EML4: variants seen among roughly 807,000 people sequenced by gnomAD.
The protein encoded by EML4 is echinoderm microtubule-associated protein-like 4.
EML4 carries 72 observed loss-of-function variants against 129.0 expected under a neutral mutation model. The ratio of observed to expected loss-of-function variants is 0.56; its 90% CI spans 0.46 to 0.68. The LOEUF (loss-of-function observed/expected upper bound fraction) is 0.68. Among genes scored for constraint, EML4 ranks in the 30% least tolerant of loss-of-function variants. The pLI is 0.00. For missense variants in EML4, 1,363 were observed against 1,190.6 expected, an observed-to-expected ratio of 1.14 and a Z score of -2.13; for synonymous variants, 532 against 405.0, an observed-to-expected ratio of 1.31 and a Z score of -3.77.
chr2:42,259,384 G>T (rs1433455008), intron 3 of EML4, among the ~76,000 whole-genome samples: 1 of 152,078 alleles, frequency 6.6e-6, no homozygotes, highest in Non-Finnish European at 1.5e-5. Flanking sequence ...GTATAAGTAT[G>T]CTTATCCAGT....
chr2:42,250,260 A>G (rs564655404), intron 2 of EML4, among the ~76,000 whole-genome samples: 1 of 152,346 alleles, frequency 6.6e-6, no homozygotes, highest in South Asian at 2.1e-4. Flanking sequence ...AAATTGAAAT[A>G]TAGGGGTCAG....
intron 2 of EML4, among the ~76,000 whole-genome samples, chr2:42,255,363 G>T (rs1161935906): frequency 3.9e-5 from 6 of 152,120 alleles, no homozygotes; most frequent in Non-Finnish European, 5.9e-5. Flanking sequence ...GGGATTACAG[G>T]CTGAGCCACC....
intron 17 of EML4, among the ~76,000 whole-genome samples, chr2:42,308,022 A>T (rs1449514218): frequency 6.6e-6 from 1 of 152,140 alleles, no homozygotes. Context: ...AGTGACTAGT[A>T]AAAAAAAGTA....
chr2:42,228,908 CAT>C lies in EML4; in HGVS notation c.26-16592_26-16591del, dbSNP rs548218323. ...TTAAAAATGATTATCAAATAAATAA[CAT>C]ATATCTTTGTGTTGTTTTCACTGTC... On this transcript the variant is annotated intron_variant, in intron 1 of 22. Transcript: ENST00000318522. 1.1e-4 allele frequency among the ~76,000 whole-genome samples: 16 copies of C among 152,214 alleles called. No individual in the cohort carries two copies. In the South Asian group the frequency reaches 1.7e-3, roughly 16 times the overall value.
At chr2:42,309,425 C>G (rs1294017083) in intron 17 of EML4, among the ~76,000 whole-genome samples, 1 of 138,170 alleles carries the variant, frequency 7.2e-6, no homozygotes, top group South Asian at 2.3e-4. Flanking sequence ...ACCAAAACAA[C>G]CACCACAAAA....
intron 9 of EML4, among the ~76,000 whole-genome samples, chr2:42,284,974 C>A (rs900219918): frequency 6.6e-6 from 1 of 152,118 alleles, no homozygotes; most frequent in African/African-American, 2.4e-5. Flanking sequence ...GTTACATTTT[C>A]TTTATATAAA....
chr2:42,247,026 G>T (rs528374496), intron 2 of EML4, among the ~76,000 whole-genome samples: 1 of 152,280 alleles, frequency 6.6e-6, no homozygotes, highest in East Asian at 1.9e-4. Context: ...AGTGGAAGAC[G>T]GTGGTAATAG....
At chr2:42,324,344 A>G (rs974997992) in intron 19 of EML4, among the ~76,000 whole-genome samples, 44 of 152,130 alleles carry the variant, frequency 2.9e-4, no homozygotes, top group Non-Finnish European at 4.4e-5. Flanking sequence ...GACCGGATAC[A>G]GTGGCTCATG....
intron 1 of EML4, among the ~76,000 whole-genome samples, chr2:42,227,689 C>G (rs1674060635): frequency 6.6e-6 from 1 of 152,144 alleles, no homozygotes; most frequent in South Asian, 2.1e-4. Context: ...AACAACCCCG[C>G]CCCCTTCCTC....
intron 6 of EML4, chr2:42,265,091 C>A: frequency 2.4e-6 from 2 of 823,774 alleles, no homozygotes; most frequent in Non-Finnish European, 3.8e-6. Flanking sequence ...AATCCAGCTA[C>A]ATTTTACTTT....
chr2:42,324,352 A>G, intron 19 of EML4, among the ~76,000 whole-genome samples: 1 of 152,184 alleles, frequency 6.6e-6, no homozygotes, highest in South Asian at 2.1e-4. Context: ...ACAGTGGCTC[A>G]TGCCAGTAGT....
At chr2:42,315,289 G>C (rs1669183051) in intron 17 of EML4, among the ~76,000 whole-genome samples, 1 of 152,092 alleles carries the variant, frequency 6.6e-6, no homozygotes, top group Non-Finnish European at 1.5e-5. Flanking sequence ...CACCATCACT[G>C]AGGTTGGCAT....
intron 2 of EML4, among the ~76,000 whole-genome samples, chr2:42,254,320 G>A (rs1034191080): frequency 1.2e-4 from 19 of 152,080 alleles, no homozygotes; most frequent in Non-Finnish European, 1.9e-4. Flanking sequence ...AGCCAGGCAC[G>A]GTGGTGTGCA....
chr2:42,330,590 T>G lies in EML4; in HGVS notation c.*383T>G, dbSNP rs959559178. 4.9e-6 allele frequency: 2 copies of G among 404,654 alleles called. No homozygotes were observed. Among genetic ancestry groups the G allele is most frequent in the Non-Finnish European group, 9.3e-6 (2 of 215,180 alleles). 25.1% of individuals were successfully genotyped at this position (404,654 alleles called of 1,614,324 possible). On this transcript the variant is annotated 3_prime_UTR_variant, in exon 23 of 23. Coordinates refer to ENST00000318522, the MANE Select transcript of EML4 (RefSeq NM_019063.5). ...ACAACCAGAGGTATCACAAACACTG[T>G]TACTCATCTACTGGCTCAGACTGTA...
At chr2:42,241,319 G>A (rs1675014370) in intron 1 of EML4, among the ~76,000 whole-genome samples, 1 of 152,184 alleles carries the variant, frequency 6.6e-6, no homozygotes, top group African/African-American at 2.4e-5. Flanking sequence ...AGGAACTCTG[G>A]TGATAACTAC....
chr2:42,190,545 C>G (rs986794846), intron 1 of EML4, among the ~76,000 whole-genome samples: 1 of 152,120 alleles, frequency 6.6e-6, no homozygotes, highest in Non-Finnish European at 1.5e-5. Flanking sequence ...ATGAGCTATA[C>G]AGTGAATGAT....
intron 18 of EML4, among the ~76,000 whole-genome samples, chr2:42,316,522 A>T (rs1237685011): frequency 6.6e-6 from 1 of 152,242 alleles, no homozygotes; most frequent in Non-Finnish European, 1.5e-5. Context: ...TGTTAATTAA[A>T]TACTTAGCAA....
chr2:42,288,477 T>G, intron 11 of EML4, 155 bp downstream of exon 11: 1 of 446,944 alleles, frequency 2.2e-6, no homozygotes, highest in Non-Finnish European at 4.0e-6. Flanking sequence ...TCATAATCGT[T>G]AAGATATTAA....
chr2:42,197,760 G>A (rs779347660), intron 1 of EML4, among the ~76,000 whole-genome samples: 1 of 152,178 alleles, frequency 6.6e-6, no homozygotes, highest in African/African-American at 2.4e-5. Context: ...ATAAATGTCA[G>A]TTAAGCCAGT....
Sources: gnomAD v4.1 joint callset for allele counts (sites outside exome capture counted in the v4.1 genomes callset) on GRCh38, gnomAD v4.1.1 for gene constraint, MANE v1.5 for transcripts, NCBI Gene and HGNC (gene_info 2026-07-23, HGNC 2026-07-21) for gene names.